Variants in GNAO1 observed in about 807,000 individuals in gnomAD.
GNAO1 encodes G protein subunit alpha o1.
For missense variants in GNAO1, 166 were observed against 478.7 expected (o/e 0.35, Z 6.10); for synonymous variants, 164 against 180.7 (o/e 0.91, Z 0.74).
At chr16:56,291,429 A>G (rs550047607) in intron 3 of GNAO1, among the ~76,000 whole-genome samples, 1 of 152,294 alleles carries the variant, frequency 6.6e-6, no homozygotes, top group South Asian at 2.1e-4. Flanking sequence ...GTCTATTCAG[A>G]ATTAGCCCAT....
rs146335629 is a variant in GNAO1 at position 56,229,540 on chromosome 16, T to C, written c.161+36924T>C. ...TTGTTTTTACCCATGTGAAAACAAG[T>C]ACTGGGGACCAGGAGCTATAAATAA... On this transcript the variant is annotated intron_variant, in intron 2 of 8. Coordinates refer to ENST00000262493, the MANE Select transcript of GNAO1 (RefSeq NM_020988.3). Among the ~76,000 whole-genome samples, 625 of 152,220 alleles carry C rather than the reference T, an allele frequency of 4.1e-3. 1 individual carries two copies. Among genetic ancestry groups the C allele is most frequent in the Non-Finnish European group, 6.8e-3 (461 of 68,006 alleles).
In GNAO1 at chr16:56,279,863, C is replaced by A. The variant is rs113929256; in HGVS notation, c.303+3791C>A. ...CCACCAATGGAGTCCAGCCTAAGAACCCCTTCATCATTTAAGGTCTTCTGA... is the reference window on the plus strand; with the variant it reads ...CCACCAATGGAGTCCAGCCTAAGAAACCCTTCATCATTTAAGGTCTTCTGA... On this transcript the variant is annotated intron_variant, in intron 3 of 8. Coordinates refer to ENST00000262493, the MANE Select transcript of GNAO1 (RefSeq NM_020988.3). Among the ~76,000 whole-genome samples the A allele has an allele frequency of 8.2e-3, 1,250 of 152,308 alleles. 17 individuals carry two copies. Among genetic ancestry groups the A allele is most frequent in the African/African-American group, 0.029 (1,202 of 41,574 alleles).
At chr16:56,353,640 G>C (rs116348583) in intron 7 of GNAO1, 1 of 152,330 alleles carries the variant, frequency 6.6e-6, no homozygotes, top group African/African-American at 2.4e-5. Flanking sequence ...CCACCTGGAC[G>C]GCTTCCTGTG....
At chr16:56,203,619 G>A (rs1348388069) in intron 2 of GNAO1, among the ~76,000 whole-genome samples, 4 of 152,182 alleles carry the variant, frequency 2.6e-5, no homozygotes, top group Non-Finnish European at 5.9e-5. Flanking sequence ...ATCTGATGGT[G>A]ATACTGGTAT....
intron 2 of GNAO1, among the ~76,000 whole-genome samples, chr16:56,271,803 TTTACATTTA>T (rs1160046843): frequency 6.6e-6 from 1 of 152,224 alleles, no homozygotes. Flanking sequence ...TGGTAGGCAC[TTTACATTTA>T]TTCCTCCCAA....
intron 3 of GNAO1, among the ~76,000 whole-genome samples, chr16:56,285,195 A>G (rs2037153525): frequency 6.6e-6 from 1 of 152,238 alleles, no homozygotes. Context: ...CGAAAACTGC[A>G]AGCGGTGATG....
intron 2 of GNAO1, among the ~76,000 whole-genome samples, chr16:56,237,390 A>G (rs1381610216): frequency 6.6e-6 from 1 of 152,158 alleles, no homozygotes; most frequent in Non-Finnish European, 1.5e-5. Flanking sequence ...GGAGACAGAC[A>G]TTTAATGAGT....
chr16:56,285,126 G>A (rs1286896259), intron 3 of GNAO1, among the ~76,000 whole-genome samples: 5 of 152,296 alleles, frequency 3.3e-5, no homozygotes, highest in Non-Finnish European at 5.9e-5. Context: ...ATTGCCTGTA[G>A]AAAAGGGCAT....
At chr16:56,199,551 A>T (rs1222489743) in intron 2 of GNAO1, among the ~76,000 whole-genome samples, 1 of 152,210 alleles carries the variant, frequency 6.6e-6, no homozygotes, top group Non-Finnish European at 1.5e-5. Flanking sequence ...GCAGACTAGT[A>T]AAAGGGGAGG....
At chr16:56,347,458 G>A (rs779389916) in intron 6 of GNAO1, 2 of 985,500 alleles carry the variant, frequency 2.0e-6, no homozygotes, top group African/African-American at 3.5e-5. Context: ...CCCTCAGCAA[G>A]AAGAGTCCTG....
chr16:56,328,807 G>A lies in GNAO1; in HGVS notation c.464+16G>A. On this transcript the variant is annotated intron_variant, in intron 4 of 8. Coordinates refer to ENST00000262493, the MANE Select transcript of GNAO1 (RefSeq NM_020988.3). ...CTGCCAAATAGTGAGTGTCCCAGCG[G>A]GCGCATGGCCTGGAGCCGGGCAGTG... 1 of 1,613,168 alleles carries A rather than the reference G, an allele frequency of 6.2e-7. No homozygotes were observed. The highest frequency in any genetic ancestry group is 8.5e-7 in the Non-Finnish European group (1 of 1,179,138).
rs149036390 is a variant in GNAO1 at position 56,272,404 on chromosome 16, T to G, written c.162-3527T>G. Among the ~76,000 whole-genome samples, 356 of 152,352 alleles carry G rather than the reference T, an allele frequency of 2.3e-3. 4 individuals are homozygous for G. The highest frequency in any genetic ancestry group is 7.7e-3 in the African/African-American group (322 of 41,578). On this transcript the variant is annotated intron_variant, in intron 2 of 8. Transcript: ENST00000262493. ...ATTGTAGTAGAAGGGGATATAAAAT[T>G]CTACCCAGAAACAGGAAGCCTATTT...
At chr16:56,315,983 C>T (rs906362404) in intron 3 of GNAO1, among the ~76,000 whole-genome samples, 7 of 151,964 alleles carry the variant, frequency 4.6e-5, no homozygotes, top group East Asian at 1.9e-4. Flanking sequence ...TGCTTGAACC[C>T]GGGAGGCGGA....
At chr16:56,297,709 T>C (rs2037301877) in intron 3 of GNAO1, among the ~76,000 whole-genome samples, 1 of 152,296 alleles carries the variant, frequency 6.6e-6, no homozygotes. Flanking sequence ...CTAGGCAGAA[T>C]TGAAAAATAA....
intron 8 of GNAO1, 104 bp downstream of exon 8, chr16:56,355,185 T>C (rs1015463557): frequency 5.2e-6 from 2 of 383,638 alleles, no homozygotes; most frequent in Admixed American, 8.9e-5. Flanking sequence ...GTAAATAAAC[T>C]TTAAAGAGGC....
intron 2 of GNAO1, among the ~76,000 whole-genome samples, chr16:56,251,519 C>G (rs1363555370): frequency 1.3e-5 from 2 of 152,082 alleles, no homozygotes; most frequent in East Asian, 3.9e-4. Flanking sequence ...AAATATTTTC[C>G]CATTCTGCTG....
intron 3 of GNAO1, among the ~76,000 whole-genome samples, chr16:56,322,148 T>C (rs1181657449): frequency 6.6e-6 from 1 of 152,122 alleles, no homozygotes; most frequent in East Asian, 1.9e-4. Flanking sequence ...TAAGACCTAA[T>C]CACCTCCCAA....
chr16:56,257,551 G>T (rs58239078), intron 2 of GNAO1, among the ~76,000 whole-genome samples: 27 of 152,088 alleles, frequency 1.8e-4, no homozygotes, highest in Non-Finnish European at 2.8e-4. Flanking sequence ...GGGTCCTTGG[G>T]GGGGTGTGGT....
At chr16:56,325,336 C>T (rs1419542327) in intron 3 of GNAO1, among the ~76,000 whole-genome samples, 14 of 152,142 alleles carry the variant, frequency 9.2e-5, no homozygotes, top group African/African-American at 3.4e-4. Flanking sequence ...ATTAGCCGGG[C>T]GTGGTGGCAC....
Sources: gnomAD v4.1 joint callset for allele counts (sites outside exome capture counted in the v4.1 genomes callset) on GRCh38, gnomAD v4.1.1 for gene constraint, MANE v1.5 for transcripts, NCBI Gene and HGNC (gene_info 2026-07-23, HGNC 2026-07-21) for gene names.